NAA16: variants seen among roughly 807,000 people sequenced by gnomAD.
NAA16 encodes the protein N-alpha-acetyltransferase 16, NatA auxiliary subunit, also known as NARG1-like protein.
A neutral mutation model predicts 110.3 loss-of-function variants in NAA16; 97 were observed. The ratio of observed to expected loss-of-function variants is 0.88; its 90% CI spans 0.75 to 1.04. NAA16 has a LOEUF of 1.04. NAA16 is among the 50% of genes least tolerant of loss of function. The pLI, the probability that NAA16 is intolerant of heterozygous loss-of-function variation, is 0.00. For missense variants in NAA16, 1,017 were observed against 1,005.1 expected (o/e 1.01, Z -0.16); for synonymous variants, 372 against 330.6 (o/e 1.13, Z -1.36).
chr13:41,348,146 A>G (rs752784257), intron 9 of NAA16, among the ~76,000 whole-genome samples: 3 of 151,936 alleles, frequency 2.0e-5, no homozygotes, highest in Non-Finnish European at 4.4e-5. Flanking sequence ...ATTTACATTA[A>G]TTGATTTCAG....
chr13:41,318,616 T>C (rs1245773133), intron 2 of NAA16, among the ~76,000 whole-genome samples, 190 bp from the exon 3 acceptor site: 2 of 152,246 alleles, frequency 1.3e-5, no homozygotes, highest in African/African-American at 4.8e-5. Flanking sequence ...GGACTTGGGC[T>C]GCTAAGCTTT....
At position 41,331,410 on chromosome 13, in the gene NAA16, G is replaced by C. The variant is rs745895404; in HGVS notation, c.907+41G>C. The C allele has an allele frequency of 3.8e-6, 5 of 1,320,258 alleles. No individual in the cohort carries two copies. In the South Asian group the frequency reaches 6.4e-5, roughly 17 times the overall value. The allele number at this position is 1,320,258 out of a possible 1,614,324, so 81.8% of individuals were successfully genotyped here. Reference sequence around the variant, plus strand: ...CTTTTATAATATTAATTATTTGTCAGAATTACTCAATGTTATTTATATTTT... The same window carrying C: ...CTTTTATAATATTAATTATTTGTCACAATTACTCAATGTTATTTATATTTT... On this transcript the variant is annotated intron_variant, in intron 8 of 19. Transcript: ENST00000379406.
At position 41,331,319 on chromosome 13, in the gene NAA16, A is replaced by G. The variant is rs2139414595; in HGVS notation, c.857A>G (p.Gln286Arg). 3.7e-6 allele frequency: 6 copies of G among 1,610,244 alleles called. No homozygotes were observed. The highest frequency in any genetic ancestry group is 1.7e-4 in the Middle Eastern group (1 of 6,050). ...CAAATTTATGAAGAAATTAGTAAGC[A>G]GCACCCCAAAGCAATTACACCCAGA... ...RLQIYEEISK[Q>R]HPKAITPRRL... The change falls in exon 8 of 20, where the codon CAG (glutamine) becomes CGG (arginine). Residue 286 changes from glutamine to arginine, a missense_variant. Transcript: ENST00000379406.
Position 41,372,313 on chromosome 13 carries a change from T to G in NAA16, c.2056+2T>G, listed in dbSNP as rs1257463402. 1.3e-6 allele frequency: 2 copies of G among 1,569,904 alleles called. No individual in the cohort carries two copies. Among genetic ancestry groups the G allele is most frequent in the Non-Finnish European group, 1.7e-6 (2 of 1,161,256 alleles). On this transcript the variant is annotated splice_donor_variant, in intron 16 of 19. Coordinates refer to ENST00000379406, the MANE Select transcript of NAA16 (RefSeq NM_024561.5). LOFTEE classifies it high-confidence loss of function. Reference sequence around the variant, plus strand: ...CATTTGAAATATATTTTAGAAAAGGTAATAAATAGTTTGAGTTCAGTTTTT... The same window carrying G: ...CATTTGAAATATATTTTAGAAAAGGGAATAAATAGTTTGAGTTCAGTTTTT...
chr13:41,323,098 G>T lies in NAA16; in HGVS notation c.445G>T (p.Ala149Ser), dbSNP rs752949865. Residue 149 changes from alanine (A) to serine (S), a missense_variant, in exon 5 of 20, where the codon GCC becomes TCC. Physicochemically the swap from Ala to Ser is moderately conservative, Grantham distance 99. Coordinates refer to ENST00000379406, the MANE Select transcript of NAA16 (RefSeq NM_024561.5). ...QLLQLRPTQR[A>S]SWIGYAIAYH... ...TCTTCAGTTGCGCCCCACACAGCGT[G>T]CCTCCTGGATTGGATATGCTATTGC... 6.2e-7 allele frequency: 1 copy of T among 1,614,088 alleles called. No homozygotes were observed. The highest frequency in any genetic ancestry group is 1.1e-5 in the South Asian group (1 of 91,072).
rs560463508 is a variant in NAA16 at position 41,375,762 on chromosome 13, A to G, written c.*160A>G. The G allele has an allele frequency of 5.6e-6, 3 of 535,756 alleles. No individual in the cohort carries two copies. Among genetic ancestry groups the G allele is most frequent in the African/African-American group, 1.9e-5 (1 of 52,244 alleles). The allele number at this position is 535,756 out of a possible 1,614,324, so 33.2% of individuals were successfully genotyped here. ...ATTTTGTTCTTTACCCGACCTGCCA[A>G]TTTACATAACCATCTGTTAAAATTA... On this transcript the variant is annotated 3_prime_UTR_variant, in exon 20 of 20. Transcript: ENST00000379406.
chr13:41,373,862 C>T, intron 18 of NAA16, 82 bp downstream of exon 18: 1 of 1,506,932 alleles, frequency 6.6e-7, no homozygotes, highest in Non-Finnish European at 8.8e-7. Context: ...AAATGTAAAG[C>T]AAATGAACAG....
At position 41,361,072 on chromosome 13, in the gene NAA16, G is replaced by T. The variant is rs1205035541; in HGVS notation, c.1411-959G>T. 2.0e-5 allele frequency among the ~76,000 whole-genome samples: 3 copies of T among 152,130 alleles called. No individual in the cohort carries two copies. The East Asian group carries it at 5.8e-4, about 29-fold the overall frequency. ...AAATCATTTATATAAGTGTATCTTT[G>T]CATCCTTTCCTGGGGTCATATAAAA... On this transcript the variant is annotated intron_variant, in intron 12 of 19. Coordinates refer to ENST00000379406, the MANE Select transcript of NAA16 (RefSeq NM_024561.5).
chr13:41,314,769 A>G (rs751857292), intron 1 of NAA16, among the ~76,000 whole-genome samples: 1 of 152,008 alleles, frequency 6.6e-6, no homozygotes, highest in Non-Finnish European at 1.5e-5. Flanking sequence ...GGTGGGAGCT[A>G]GGATCACTTG....
rs551250970 is a variant in NAA16 at position 41,342,760 on chromosome 13, G to A, written c.1014+6004G>A. On this transcript the variant is annotated intron_variant, in intron 9 of 19. Coordinates refer to ENST00000379406, the MANE Select transcript of NAA16 (RefSeq NM_024561.5). ...CAGTGGGACAGTGAGTGAGATGTTT[G>A]ACCAGCCATTTCATATGGTACACAA... 7.9e-5 allele frequency among the ~76,000 whole-genome samples: 12 copies of A among 152,242 alleles called. No individual in the cohort carries two copies. The South Asian group carries it at 2.5e-3, about 32-fold the overall frequency.
At chr13:41,366,570 G>A (rs2043211314) in intron 13 of NAA16, among the ~76,000 whole-genome samples, 2 of 152,102 alleles carry the variant, frequency 1.3e-5, no homozygotes, top group Admixed American at 6.6e-5. Context: ...TTTCATGGAA[G>A]GGATTAGTTC....
At chr13:41,341,854 C>T (rs1278393527) in intron 9 of NAA16, among the ~76,000 whole-genome samples, 3 of 137,810 alleles carry the variant, frequency 2.2e-5, no homozygotes, top group Admixed American at 7.4e-5. Flanking sequence ...TTTTTTGAGA[C>T]GGAGTCTCAC....
intron 9 of NAA16, 35 bp from the exon 10 acceptor site, chr13:41,355,109 T>A: frequency 1.5e-6 from 2 of 1,307,994 alleles, no homozygotes; most frequent in Non-Finnish European, 2.1e-6. Flanking sequence ...TTCAAGAAGA[T>A]ATTTTTAAAT....
At chr13:41,368,965 G>C (rs1250608605) in intron 14 of NAA16, 125 bp from the exon 15 acceptor site, 9 of 679,108 alleles carry the variant, frequency 1.3e-5, no homozygotes, top group Non-Finnish European at 2.2e-5. Flanking sequence ...CTTTGTGGGG[G>C]TGGGGGTCAT....
chr13:41,328,734 G>T lies in NAA16; in HGVS notation c.702G>T (p.Leu234=), dbSNP rs1295902105. The change falls in exon 7 of 20, where the codon CTG becomes CTT. Residue 234 remains leucine (L), a synonymous_variant. Coordinates refer to ENST00000379406, the MANE Select transcript of NAA16 (RefSeq NM_024561.5). ...TAAACTTAATTTCAGGGGAAATACTGTTGAAATTGGGAAGATTAAAAGAAG... is the reference window on the plus strand; with the variant it reads ...TAAACTTAATTTCAGGGGAAATACTTTTGAAATTGGGAAGATTAAAAGAAG... The part of the protein sequence containing the change: ...LLVEEIKGEI[L]LKLGRLKEAS... The T allele has an allele frequency of 1.2e-6, 2 of 1,605,672 alleles. No individual in the cohort carries two copies. The highest frequency in any genetic ancestry group is 3.4e-5 in the Admixed American group (2 of 59,674).
intron 6 of NAA16, chr13:41,327,795 G>A (rs988158490): frequency 2.0e-5 from 3 of 151,152 alleles, no homozygotes; most frequent in Admixed American, 2.0e-4. Flanking sequence ...GCAGTGTGCT[G>A]TCACAAAGGC....
chr13:41,364,689 A>T (rs988782198), intron 13 of NAA16, among the ~76,000 whole-genome samples: 1 of 152,152 alleles, frequency 6.6e-6, no homozygotes, highest in Non-Finnish European at 1.5e-5. Context: ...TAACTCTTTG[A>T]TAAGACCTAG....
chr13:41,361,983 ATC>A, intron 12 of NAA16, 46 bp from the exon 13 acceptor site: 1 of 1,587,392 alleles, frequency 6.3e-7, no homozygotes. Flanking sequence ...GATTTTTAGG[ATC>A]TCTTTCATTG....
chr13:41,372,026 AGTATT>A (rs1458910659), intron 15 of NAA16, among the ~76,000 whole-genome samples, 172 bp from the exon 16 acceptor site: 1 of 152,158 alleles, frequency 6.6e-6, no homozygotes, highest in Admixed American at 6.5e-5. Flanking sequence ...TGTTTTGAAA[AGTATT>A]GATTGTGTAC....
Sources: allele counts gnomAD v4.1 joint callset (sites outside exome capture counted in the v4.1 genomes callset), GRCh38; gene constraint gnomAD v4.1.1; transcripts MANE v1.5; gene names NCBI Gene and HGNC (gene_info 2026-07-23, HGNC 2026-07-21).